TECTA: variants seen among roughly 807,000 people sequenced by gnomAD.
The protein encoded by TECTA is alpha-tectorin.
TECTA carries 128 observed loss-of-function variants against 216.8 expected under a neutral mutation model. The ratio of observed to expected loss-of-function variants is 0.59; its 90% CI spans 0.51 to 0.68. TECTA has a LOEUF of 0.68. Among genes scored for constraint, TECTA ranks in the 30% least tolerant of loss-of-function variants. The probability of loss-of-function intolerance (pLI) is 0.00; values close to 1 mark genes in which losing one functional copy is unlikely to be tolerated. For missense variants in TECTA, 2,551 were observed against 2,786.2 expected, an observed-to-expected ratio of 0.92 and a Z score of 1.90; for synonymous variants, 1,089 against 1,117.1, an observed-to-expected ratio of 0.97 and a Z score of 0.50.
At chr11:121,122,271 T>C (rs1220493770) in intron 7 of TECTA, among the ~76,000 whole-genome samples, 2 of 152,114 alleles carry the variant, frequency 1.3e-5, no homozygotes, top group African/African-American at 2.4e-5. Flanking sequence ...ATTAGTGCCC[T>C]TAGAAAGGAG....
intron 2 of TECTA, among the ~76,000 whole-genome samples, chr11:121,104,615 C>G (rs1946374963): frequency 6.6e-6 from 1 of 152,158 alleles, no homozygotes; most frequent in African/African-American, 2.4e-5. Context: ...TTGCACTCCT[C>G]TCTTTTACAT....
At chr11:121,120,080 T>G (rs988631101) in intron 7 of TECTA, among the ~76,000 whole-genome samples, 1 of 152,250 alleles carries the variant, frequency 6.6e-6, no homozygotes, top group African/African-American at 2.4e-5. Flanking sequence ...ATGATGTGTA[T>G]ATCAGTAGTT....
chr11:121,189,967 A>G, intron 23 of TECTA, 87 bp downstream of exon 23: 1 of 1,107,106 alleles, frequency 9.0e-7, no homozygotes, highest in Non-Finnish European at 1.4e-6. Flanking sequence ...TTTGAAGGCC[A>G]CTCGGTCAGC....
At chr11:121,188,349 C>A (rs1471441421) in intron 21 of TECTA, among the ~76,000 whole-genome samples, 1 of 152,200 alleles carries the variant, frequency 6.6e-6, no homozygotes, top group East Asian at 1.9e-4. Context: ...CATCTTCCCC[C>A]AGTTTCAACA....
At chr11:121,147,682 C>T (rs7108587) in intron 12 of TECTA, among the ~76,000 whole-genome samples, 41,560 of 152,044 alleles carry the variant, frequency 0.27, 7,205 homozygotes, top group African/African-American at 0.49. Flanking sequence ...AAGGCCTAAA[C>T]GTGGTGCAGA....
chr11:121,135,601 A>C (rs1013867244), intron 10 of TECTA, among the ~76,000 whole-genome samples: 18 of 152,344 alleles, frequency 1.2e-4, no homozygotes, highest in Admixed American at 1.0e-3. Flanking sequence ...AGAGGAAAAA[A>C]TGATTGGCTT....
At chr11:121,158,261 G>C in intron 14 of TECTA, 37 bp downstream of exon 14, 1 of 1,605,140 alleles carries the variant, frequency 6.2e-7, no homozygotes, top group East Asian at 2.2e-5. Context: ...GAAGGGGCCC[G>C]GAAACAAGGG....
intron 12 of TECTA, among the ~76,000 whole-genome samples, chr11:121,147,250 C>T (rs544337019): frequency 2.2e-4 from 34 of 152,260 alleles, no homozygotes; most frequent in African/African-American, 6.5e-4. Flanking sequence ...TCTAACTAAG[C>T]GATGCAGCAG....
intron 21 of TECTA, among the ~76,000 whole-genome samples, chr11:121,188,342 C>T (rs1947308210): frequency 6.6e-6 from 1 of 152,208 alleles, no homozygotes; most frequent in Non-Finnish European, 1.5e-5. Flanking sequence ...CCAGTCACAT[C>T]TTCCCCCAGT....
At position 121,129,776 on chromosome 11, in the gene TECTA, C is replaced by T. The variant is rs757893676; in HGVS notation, c.2506C>T (p.Arg836Trp). The T allele has an allele frequency of 2.2e-5, 36 of 1,614,012 alleles. No individual in the cohort carries two copies. Among genetic ancestry groups the T allele is most frequent in the Admixed American group, 5.0e-5 (3 of 59,998 alleles). ...QYSDIGLLYI[R>W]LSTTYFNCTG... Reference sequence around the variant, plus strand: ...CTCAGACATAGGTCTATTGTACATCCGGCTGTCCACCACATACTTCAATTG... The same window carrying T: ...CTCAGACATAGGTCTATTGTACATCTGGCTGTCCACCACATACTTCAATTG... The change falls in exon 10 of 24, where the codon CGG becomes TGG. Residue 836 changes from arginine (R) to tryptophan (W), a missense_variant. Around this residue, in one of 3 missense-constraint regions of TECTA, gnomAD observed 2,375 missense variants for 2,563.9 expected, o/e 0.93. Transcript: ENST00000392793.
Position 121,167,915 on chromosome 11 carries a change from G to C in TECTA, c.5587-139G>C. The C allele has an allele frequency of 5.2e-6, 5 of 960,628 alleles. No individual in the cohort carries two copies. In the South Asian group the frequency reaches 6.8e-5, roughly 13 times the overall value. The allele number at this position is 960,628 out of a possible 1,614,324, so 59.5% of individuals were successfully genotyped here. A position where few individuals can be genotyped will look rare whatever the true frequency, so the allele number is the denominator to read the frequency against. On this transcript the variant is annotated intron_variant, in intron 18 of 23. Transcript: ENST00000392793. Reference sequence around the variant, plus strand: ...TTCCCCCAAGTAAATGCTAAGGCTAGCTCCATGCTGATTTATACTGGCCTC... The same window carrying C: ...TTCCCCCAAGTAAATGCTAAGGCTACCTCCATGCTGATTTATACTGGCCTC...
In TECTA at chr11:121,113,769, T is replaced by A. The variant is rs761238510; in HGVS notation, c.790+51T>A. 15 of 1,607,822 alleles carry A rather than the reference T, an allele frequency of 9.3e-6. No individual in the cohort carries two copies. In the South Asian group the frequency reaches 1.7e-4, roughly 18 times the overall value. ...AAGGCAGGGTTTGTTTAGTGTAGAT[T>A]GACAGGCAAGCTTTTAAGCCACGGG... On this transcript the variant is annotated intron_variant, in intron 6 of 23. Transcript: ENST00000392793. The surrounding 1 kb of genome is among the most constrained non-coding windows in gnomAD (Gnocchi z 4.2).
intron 10 of TECTA, among the ~76,000 whole-genome samples, chr11:121,132,073 G>T (rs1490635673): frequency 1.3e-5 from 2 of 152,092 alleles, no homozygotes; most frequent in African/African-American, 4.8e-5. Context: ...CCTTGAACTT[G>T]CATACACTAG....
Position 121,163,753 on chromosome 11 carries a change from G to A in TECTA, c.5272+1383G>A, listed in dbSNP as rs2077203. On this transcript the variant is annotated intron_variant, in intron 16 of 23. Coordinates refer to ENST00000392793, the MANE Select transcript of TECTA (RefSeq NM_005422.4). ...AAGGGCATGTCTTATTTGCCAGTTG[G>A]CAGATGGACCACCACGTTTGTAAAT... 9.9e-3 allele frequency among the ~76,000 whole-genome samples: 1,515 copies of A among 152,306 alleles called. 22 individuals carry two copies. The highest frequency in any genetic ancestry group is 0.035 in the African/African-American group (1,444 of 41,550).
rs58300066 is a variant in TECTA at position 121,139,689 on chromosome 11, CA to C, written c.3543+1680del. Among the ~76,000 whole-genome samples, 1,308 of 141,698 alleles carry C rather than the reference CA, an allele frequency of 9.2e-3. 8 individuals are homozygous for C. The highest frequency in any genetic ancestry group is 0.059 in the Middle Eastern group (16 of 270). 93.0% of individuals were successfully genotyped at this position (141,698 alleles called of 152,430 possible). ...TGGACGACAGAGCAAGACTCTGTCT[CA>C]AAAAAAAAAAAATAATGAATGAAAT... is the stretch of plus-strand genomic sequence containing the variant. On this transcript the variant is annotated intron_variant, in intron 11 of 23. Transcript: ENST00000392793.
At chr11:121,147,779 T>C (rs12285468) in intron 12 of TECTA, among the ~76,000 whole-genome samples, 41,396 of 151,944 alleles carry the variant, frequency 0.27, 7,134 homozygotes, top group African/African-American at 0.49. Flanking sequence ...GCAGCCATGC[T>C]GTGCTGGGTG....
intron 11 of TECTA, among the ~76,000 whole-genome samples, chr11:121,142,909 CT>C (rs1244076237): frequency 1.3e-5 from 2 of 152,058 alleles, no homozygotes; most frequent in African/African-American, 4.8e-5. Context: ...CTACAGGGTC[CT>C]TCTCTTCAAC....
chr11:121,153,649 G>A (rs1356674203), intron 13 of TECTA, among the ~76,000 whole-genome samples: 2 of 152,128 alleles, frequency 1.3e-5, no homozygotes, highest in Non-Finnish European at 2.9e-5. Flanking sequence ...CTAATGTGGT[G>A]CCCCCACATC....
Position 121,145,486 on chromosome 11 carries a change from A to G in TECTA, c.3544-69A>G, listed in dbSNP as rs1413512473. 5 of 1,542,864 alleles carry G rather than the reference A, an allele frequency of 3.2e-6. No individual in the cohort carries two copies. The East Asian group carries it at 1.1e-4, about 35-fold the overall frequency. On this transcript the variant is annotated intron_variant, in intron 11 of 23. Coordinates refer to ENST00000392793, the MANE Select transcript of TECTA (RefSeq NM_005422.4). ...CTGGGACTTGTCTTTCAAGAGACTCATCGTTAGGAGAAGAGCTGGGAAATC... is the reference window on the plus strand; with the variant it reads ...CTGGGACTTGTCTTTCAAGAGACTCGTCGTTAGGAGAAGAGCTGGGAAATC...
Sources: allele counts gnomAD v4.1 joint callset (sites outside exome capture counted in the v4.1 genomes callset), GRCh38; gene constraint gnomAD v4.1.1; regional missense constraint gnomAD v4.1.1; non-coding constraint Gnocchi (gnomAD v3.1); transcripts MANE v1.5; gene names NCBI Gene and HGNC (gene_info 2026-07-23, HGNC 2026-07-21).